Variants in ZAP70 observed in about 807,000 individuals in gnomAD.
The protein encoded by ZAP70 is tyrosine-protein kinase ZAP-70.
Under a neutral mutation model 65.8 loss-of-function variants are expected in ZAP70, and 27 were observed. That is an observed-to-expected ratio of 0.41 (90% CI 0.30 to 0.57). The LOEUF is 0.57. ZAP70 is among the 20% of genes least tolerant of loss of function. The pLI is 0.28. For synonymous variants in ZAP70, 363 were observed against 360.8 expected (o/e 1.01, Z -0.07); for missense variants, 696 against 870.5 (o/e 0.80, Z 2.52).
chr2:97,721,082 C>T (rs1266926580), intron 2 of ZAP70, among the ~76,000 whole-genome samples: 2 of 152,156 alleles, frequency 1.3e-5, no homozygotes, highest in Non-Finnish European at 2.9e-5. Flanking sequence ...CTCAGAACCG[C>T]TATGGAGAGG....
At chr2:97,756,127 T>C in the ZAP70 span, among the ~76,000 whole-genome samples, 4 of 152,018 alleles carry the variant, frequency 2.6e-5, no homozygotes, top group African/African-American at 9.7e-5. Context: ...CAAACAGGCT[T>C]TCAAGTTGTT....
rs1677932955 is a variant in ZAP70 at position 97,737,339 on chromosome 2, C to T, written c.1290-134C>T. 3.4e-6 allele frequency: 3 copies of T among 889,590 alleles called. No individual in the cohort carries two copies. Among genetic ancestry groups the T allele is most frequent in the South Asian group, 2.9e-5 (2 of 68,388 alleles). The allele number at this position is 889,590 out of a possible 1,614,324, so 55.1% of individuals were successfully genotyped here. A position where few individuals can be genotyped will look rare whatever the true frequency, so the allele number is the denominator to read the frequency against. On this transcript the variant is annotated intron_variant, in intron 10 of 13. Coordinates refer to ENST00000264972, the MANE Select transcript of ZAP70 (RefSeq NM_001079.4). The surrounding 1 kb of genome is among the most constrained non-coding windows in gnomAD (Gnocchi z 5.0). ...TGTCCCCAGCCCCACGCCTGGCACA[C>T]AGCAGGTGCTCAATAAGCGTTTTTG...
chr2:97,738,599 C>T (rs1315870028), intron 13 of ZAP70: 3 of 221,618 alleles, frequency 1.4e-5, no homozygotes, highest in Admixed American at 5.1e-5. Flanking sequence ...ACTCCTAACA[C>T]CATCAGTATC....
chr2:97,752,481 G>A, the ZAP70 span, among the ~76,000 whole-genome samples: 12 of 152,098 alleles, frequency 7.9e-5, no homozygotes, highest in Non-Finnish European at 1.5e-4. Context: ...TTCAAACCAG[G>A]GGCTTGTTCT....
downstream of ZAP70, among the ~76,000 whole-genome samples, chr2:97,740,383 G>A (rs34747246): frequency 0.51 from 77,264 of 152,024 alleles, 20,570 homozygotes; most frequent in African/African-American, 0.6. Flanking sequence ...AAGACAAATT[G>A]CATCAATTTA....
the ZAP70 span, among the ~76,000 whole-genome samples, chr2:97,750,210 G>A: frequency 3.9e-5 from 6 of 152,198 alleles, no homozygotes; most frequent in Non-Finnish European, 8.8e-5. Flanking sequence ...AATGGTCAAC[G>A]CCCTTCCCCG....
chr2:97,721,215 A>G (rs1677139822), intron 2 of ZAP70, among the ~76,000 whole-genome samples: 1 of 152,200 alleles, frequency 6.6e-6, no homozygotes, highest in South Asian at 2.1e-4. Flanking sequence ...GCTTTATCAC[A>G]TACAGTTGAT....
chr2:97,732,856 G>T (rs779518160), intron 4 of ZAP70, 27 bp from the exon 5 acceptor site: 19 of 1,613,334 alleles, frequency 1.2e-5, no homozygotes, highest in Non-Finnish European at 1.6e-5. Context: ...GGCTCTAGGG[G>T]TTACATCCCC....
At chr2:97,755,591 C>A in the ZAP70 span, among the ~76,000 whole-genome samples, 2 of 152,210 alleles carry the variant, frequency 1.3e-5, no homozygotes, top group African/African-American at 4.8e-5. Flanking sequence ...AAGGCATCCC[C>A]CCTTGTCTCC....
At chr2:97,751,121 C>T in the ZAP70 span, among the ~76,000 whole-genome samples, 1 of 152,296 alleles carries the variant, frequency 6.6e-6, no homozygotes, top group Admixed American at 6.5e-5. Flanking sequence ...TATCTAACCA[C>T]TCTGAATATA....
At chr2:97,742,434 C>A (rs1678155436), downstream of ZAP70, among the ~76,000 whole-genome samples, 1 of 152,282 alleles carries the variant, frequency 6.6e-6, no homozygotes, top group Non-Finnish European at 1.5e-5. Flanking sequence ...TCATGCCCAG[C>A]ACAGAGCTCG....
At chr2:97,730,571 C>T (rs945012441) in intron 4 of ZAP70, among the ~76,000 whole-genome samples, 2 of 152,158 alleles carry the variant, frequency 1.3e-5, no homozygotes, top group Admixed American at 6.5e-5. Context: ...TTTTTCAAGC[C>T]TCTGCTTGTG....
At chr2:97,714,121 T>G (rs1676817088) in intron 2 of ZAP70, 127 bp downstream of exon 2, 1 of 153,484 alleles carries the variant, frequency 6.5e-6, no homozygotes, top group Non-Finnish European at 1.5e-5. Context: ...GCTGGAGGAC[T>G]GGGCTGGGTG....
chr2:97,724,649 G>T, intron 3 of ZAP70: 1 of 1,531,594 alleles, frequency 6.5e-7, no homozygotes, highest in Non-Finnish European at 8.7e-7. Context: ...CGCAGGCTGA[G>T]CGATGCTATG....
At chr2:97,725,418 G>C (rs1443577407) in intron 4 of ZAP70, among the ~76,000 whole-genome samples, 166 bp downstream of exon 4, 1 of 152,190 alleles carries the variant, frequency 6.6e-6, no homozygotes, top group Non-Finnish European at 1.5e-5. Flanking sequence ...TTGCACATGG[G>C]GAAGTAGAGG....
chr2:97,751,467 A>AAG, the ZAP70 span, among the ~76,000 whole-genome samples: 1 of 152,190 alleles, frequency 6.6e-6, no homozygotes, highest in Admixed American at 6.5e-5. Flanking sequence ...TGCTAATGGT[A>AAG]ATTTCTTAAG....
intron 2 of ZAP70, among the ~76,000 whole-genome samples, 199 bp downstream of exon 2, chr2:97,714,193 C>G (rs56009038): frequency 1.3e-5 from 2 of 152,200 alleles, no homozygotes; most frequent in African/African-American, 2.4e-5. Flanking sequence ...GCAGCTCCCC[C>G]TCCAGAGGCT....
chr2:97,740,460 C>T (rs776007688), downstream of ZAP70, among the ~76,000 whole-genome samples: 6 of 152,138 alleles, frequency 3.9e-5, no homozygotes, highest in Non-Finnish European at 8.8e-5. Context: ...AGTCGCTGAA[C>T]GACTTACATT....
chr2:97,735,222 AC>A (rs753060046), intron 9 of ZAP70, 27 bp from the exon 10 acceptor site: 1 of 1,613,158 alleles, frequency 6.2e-7, no homozygotes, highest in African/African-American at 1.3e-5. Context: ...CCCCTCGCCC[AC>A]GTGCCTCCCG....
Sources: gnomAD v4.1 joint callset for allele counts (sites outside exome capture counted in the v4.1 genomes callset) on GRCh38, gnomAD v4.1.1 for gene constraint, Gnocchi (gnomAD v3.1) non-coding constraint, MANE v1.5 for transcripts, NCBI Gene and HGNC (gene_info 2026-07-23, HGNC 2026-07-21) for gene names.